SCAI: variants seen among roughly 807,000 people sequenced by gnomAD.
SCAI encodes protein SCAI.
A neutral mutation model predicts 92.2 loss-of-function variants in SCAI; 24 were observed. The observed-to-expected ratio is 0.26, with a 90% CI of 0.19 to 0.37. SCAI has a LOEUF of 0.37. SCAI is among the 10% of genes least tolerant of loss of function. SCAI has a pLI of 1.00. For synonymous variants in SCAI, 261 were observed against 258.6 expected (o/e 1.01, Z -0.09); for missense variants, 450 against 736.2 (o/e 0.61, Z 4.50).
chr9:125,045,809 C>T (rs1253981717), intron 3 of SCAI, among the ~76,000 whole-genome samples: 1 of 133,024 alleles, frequency 7.5e-6, no homozygotes, highest in Non-Finnish European at 1.6e-5. Context: ...AAATAATAGA[C>T]ACTAATGACA....
In SCAI at chr9:125,001,444, T is replaced by C. The variant is rs1441387414; in HGVS notation, c.1144+521A>G. On this transcript the variant is annotated intron_variant, in intron 12 of 17. Coordinates refer to ENST00000336505, the MANE Select transcript of SCAI (RefSeq NM_001144877.3). ...ATTCTGAAACAGCATCCCGATATTC[T>C]ACAGATTGAATCCATAAAACAAAAT... 3.9e-5 allele frequency among the ~76,000 whole-genome samples: 6 copies of C among 152,236 alleles called. No individual in the cohort carries two copies. The East Asian group carries it at 9.6e-4, about 24-fold the overall frequency.
chr9:125,014,458 A>G (rs1832707064), intron 9 of SCAI, among the ~76,000 whole-genome samples: 2 of 152,106 alleles, frequency 1.3e-5, no homozygotes, highest in Admixed American at 6.6e-5. Context: ...AAAATACCTA[A>G]GAATCCAACT....
intron 2 of SCAI, among the ~76,000 whole-genome samples, chr9:125,068,345 A>T (rs2131157359): frequency 6.6e-6 from 1 of 151,890 alleles, no homozygotes; most frequent in Non-Finnish European, 1.5e-5. Flanking sequence ...TACAAAAATT[A>T]AAAAATTAGC....
chr9:125,114,291 GAA>G (rs1238025191), intron 2 of SCAI, among the ~76,000 whole-genome samples: 1 of 152,090 alleles, frequency 6.6e-6, no homozygotes, highest in African/African-American at 2.4e-5. Flanking sequence ...TATGGTACAG[GAA>G]AAGAGCTGAT....
intron 13 of SCAI, 71 bp downstream of exon 13, chr9:124,999,820 T>C: frequency 2.5e-6 from 2 of 789,928 alleles, no homozygotes; most frequent in African/African-American, 1.8e-5. Context: ...CTCCCCATTT[T>C]ACTTAATATT....
At chr9:125,140,384 C>G (rs777769376) in intron 2 of SCAI, among the ~76,000 whole-genome samples, 1 of 151,462 alleles carries the variant, frequency 6.6e-6, no homozygotes, top group African/African-American at 2.4e-5. Context: ...AAAAATTAGC[C>G]GGGCATGGTG....
intron 17 of SCAI, among the ~76,000 whole-genome samples, chr9:124,971,070 C>T (rs1286663460): frequency 6.6e-6 from 1 of 152,138 alleles, no homozygotes; most frequent in Non-Finnish European, 1.5e-5. Context: ...CAGCTTCGAC[C>T]TCCCAAAGTG....
chr9:125,020,487 G>C (rs996038111), intron 7 of SCAI, among the ~76,000 whole-genome samples, 186 bp downstream of exon 7: 1 of 152,158 alleles, frequency 6.6e-6, no homozygotes, highest in African/African-American at 2.4e-5. Context: ...TCTCAGATTA[G>C]TGTATTTGTA....
At chr9:124,962,810 T>C (rs1008570176) in intron 17 of SCAI, among the ~76,000 whole-genome samples, 3 of 151,600 alleles carry the variant, frequency 2.0e-5, no homozygotes, top group African/African-American at 7.3e-5. Context: ...CTTTTTCTTT[T>C]TTTTTTTTGA....
At chr9:124,975,998 C>A in intron 15 of SCAI, 116 bp downstream of exon 15, 3 of 655,962 alleles carry the variant, frequency 4.6e-6, no homozygotes, top group South Asian at 2.1e-5. Flanking sequence ...CCATATTAAA[C>A]ACCATAAATC....
At chr9:125,034,590 A>G (rs989101543) in intron 3 of SCAI, among the ~76,000 whole-genome samples, 3 of 152,108 alleles carry the variant, frequency 2.0e-5, no homozygotes, top group Non-Finnish European at 2.9e-5. Flanking sequence ...AATAAAAAAT[A>G]AAAAATAAAT....
intron 2 of SCAI, among the ~76,000 whole-genome samples, chr9:125,057,455 G>A (rs1181170620): frequency 6.6e-6 from 1 of 152,274 alleles, no homozygotes; most frequent in Admixed American, 6.5e-5. Flanking sequence ...ACCTAAAATT[G>A]AAAGGACTCA....
intron 17 of SCAI, among the ~76,000 whole-genome samples, chr9:124,965,815 CT>C (rs2131583072): frequency 6.6e-6 from 1 of 152,270 alleles, no homozygotes; most frequent in East Asian, 1.9e-4. Context: ...CTTGGGAGCA[CT>C]TGAAGCATCA....
intron 13 of SCAI, among the ~76,000 whole-genome samples, chr9:124,996,699 G>A (rs1401154737): frequency 6.7e-6 from 1 of 150,088 alleles, no homozygotes; most frequent in Non-Finnish European, 1.5e-5. Context: ...GTATGATCTC[G>A]GCTCACTGCA....
chr9:125,004,181 A>T (rs1832424225), intron 9 of SCAI, among the ~76,000 whole-genome samples: 1 of 152,142 alleles, frequency 6.6e-6, no homozygotes, highest in Non-Finnish European at 1.5e-5. Flanking sequence ...GTCTCAAAAA[A>T]AATAAAGCAG....
chr9:125,086,199 G>A (rs902213040), intron 2 of SCAI, among the ~76,000 whole-genome samples: 1 of 152,158 alleles, frequency 6.6e-6, no homozygotes, highest in African/African-American at 2.4e-5. Flanking sequence ...CTACTTGAAA[G>A]CAGTAGCTTA....
intron 15 of SCAI, chr9:124,974,276 C>T (rs1460514984): frequency 2.3e-6 from 1 of 442,180 alleles, no homozygotes; most frequent in East Asian, 7.0e-5. Flanking sequence ...AGACCCAGTC[C>T]CTACAAAAAA....
chr9:125,019,028 AC>A, intron 8 of SCAI, 77 bp from the exon 9 acceptor site: 1 of 1,524,582 alleles, frequency 6.6e-7, no homozygotes, highest in Non-Finnish European at 9.0e-7. Flanking sequence ...CTTCTTCTTG[AC>A]ATATACACAC....
chr9:125,049,630 A>C (rs905355703), intron 3 of SCAI, among the ~76,000 whole-genome samples: 3 of 152,226 alleles, frequency 2.0e-5, no homozygotes, highest in African/African-American at 7.2e-5. Context: ...ACATATTATA[A>C]GAAGGTATTT....
Sources: allele counts gnomAD v4.1 joint callset (sites outside exome capture counted in the v4.1 genomes callset), GRCh38; gene constraint gnomAD v4.1.1; transcripts MANE v1.5; gene names NCBI Gene and HGNC (gene_info 2026-07-23, HGNC 2026-07-21).